LPIN1: variants seen among roughly 807,000 people sequenced by gnomAD.
LPIN1 encodes the protein lipin 1, also known as phosphatidate phosphatase LPIN1.
A neutral mutation model predicts 107.5 loss-of-function variants in LPIN1; 71 were observed. That is an observed-to-expected ratio of 0.66 (90% CI 0.55 to 0.80). LPIN1 has a LOEUF of 0.80. Ranked by LOEUF, LPIN1 falls within the 30% of genes least tolerant of loss-of-function variation. The pLI is 0.00. For synonymous variants in LPIN1, 445 were observed against 452.6 expected (o/e 0.98, Z 0.21); for missense variants, 1,043 against 1,160.6 (o/e 0.90, Z 1.47).
At chr2:11,732,592 C>A (rs1361345471) in intron 1 of LPIN1, among the ~76,000 whole-genome samples, 1 of 152,172 alleles carries the variant, frequency 6.6e-6, no homozygotes, top group Non-Finnish European at 1.5e-5. Flanking sequence ...AATACCTATT[C>A]CAAAGCAGTA....
At chr2:11,743,022 G>C (rs1033667142), upstream of LPIN1, among the ~76,000 whole-genome samples, 2 of 152,192 alleles carry the variant, frequency 1.3e-5, no homozygotes, top group African/African-American at 4.8e-5. This position sits in a 1 kb window ranked among gnomAD's most constrained non-coding sequence, Gnocchi z 4.7. Context: ...TTGGGGACAG[G>C]GCAGGTCAAA....
rs1002097250 is a variant in LPIN1, at chr2:11,765,477, G to T, written c.-9-56G>T. On this transcript the variant is annotated intron_variant, in intron 1 of 20. Coordinates refer to ENST00000674199, the MANE Select transcript of LPIN1 (RefSeq NM_001349206.2). This position sits in a 1 kb window ranked among gnomAD's most constrained non-coding sequence, Gnocchi z 4.4. ...AATGGTGAGGAGTTCATTTTGATTG[G>T]CTCTTCCTTGGATTAATTGTGTGTC... The T allele has an allele frequency of 2.6e-6, 4 of 1,517,340 alleles. No individual in the cohort carries two copies. Among genetic ancestry groups the T allele is most frequent in the Admixed American group, 1.9e-5 (1 of 53,278 alleles). 94.0% of individuals were successfully genotyped at this position (1,517,340 alleles called of 1,614,324 possible). A position where few individuals can be genotyped will look rare whatever the true frequency, so the allele number is the denominator to read the frequency against.
intron 12 of LPIN1, 25 bp downstream of exon 12, chr2:11,788,481 A>C (rs1303800046): frequency 1.9e-6 from 3 of 1,568,214 alleles, no homozygotes; most frequent in Non-Finnish European, 2.6e-6. Flanking sequence ...GAGAAAGAAA[A>C]GGGGATGCTA....
intron 1 of LPIN1, among the ~76,000 whole-genome samples, chr2:11,700,013 G>A (rs1213728409): frequency 6.6e-6 from 1 of 152,204 alleles, no homozygotes; most frequent in African/African-American, 2.4e-5. Flanking sequence ...ACCTGGCACA[G>A]CCCTTGGCAC....
chr2:11,812,819 T>A (rs898788523), intron 17 of LPIN1, among the ~76,000 whole-genome samples: 1 of 151,564 alleles, frequency 6.6e-6, no homozygotes, highest in Non-Finnish European at 1.5e-5. Context: ...CCACGTGGAG[T>A]CGGGATAGCA....
intron 1 of LPIN1, among the ~76,000 whole-genome samples, chr2:11,725,776 C>T (rs1246829793): frequency 6.6e-6 from 1 of 152,150 alleles, no homozygotes; most frequent in Non-Finnish European, 1.5e-5. Context: ...CTCTGAGGCT[C>T]CTGGCAGGGA....
intron 2 of LPIN1, among the ~76,000 whole-genome samples, chr2:11,715,326 T>C (rs1174064301): frequency 6.6e-6 from 1 of 152,126 alleles, no homozygotes; most frequent in African/African-American, 2.4e-5. Context: ...TCCGCTGGCC[T>C]CCATCCCCAC....
At chr2:11,749,592 G>C (rs1276384239) in intron 1 of LPIN1, among the ~76,000 whole-genome samples, 1 of 152,148 alleles carries the variant, frequency 6.6e-6, no homozygotes, top group Non-Finnish European at 1.5e-5. Flanking sequence ...GAAAGCTCTG[G>C]GTCTGGGCTG....
intron 7 of LPIN1, among the ~76,000 whole-genome samples, chr2:11,780,967 ATCTTT>A (rs1673481696): frequency 6.6e-6 from 1 of 152,246 alleles, no homozygotes; most frequent in Admixed American, 6.5e-5. Flanking sequence ...AATGAACACA[ATCTTT>A]TCTTTCAAGA....
chr2:11,778,175 A>G (rs1353320800), intron 6 of LPIN1, among the ~76,000 whole-genome samples: 1 of 152,156 alleles, frequency 6.6e-6, no homozygotes, highest in Non-Finnish European at 1.5e-5. Context: ...ACTGCTCCCT[A>G]AAGGGCAGAA....
chr2:11,732,589 A>G (rs183568302), intron 1 of LPIN1, among the ~76,000 whole-genome samples: 2 of 152,348 alleles, frequency 1.3e-5, no homozygotes, highest in African/African-American at 2.4e-5. Flanking sequence ...GGAAATACCT[A>G]TTCCAAAGCA....
At chr2:11,735,744 T>C (rs1205854603) in intron 1 of LPIN1, among the ~76,000 whole-genome samples, 1 of 152,234 alleles carries the variant, frequency 6.6e-6, no homozygotes, top group Admixed American at 6.5e-5. Context: ...AATGGCTATA[T>C]AGGCAAACAG....
intron 2 of LPIN1, among the ~76,000 whole-genome samples, chr2:11,717,531 T>A (rs1391449444): frequency 6.7e-6 from 1 of 149,780 alleles, no homozygotes; most frequent in South Asian, 2.1e-4. Flanking sequence ...AACTTTGACA[T>A]TAGCCTATCA....
chr2:11,721,794 C>T (rs4076903), upstream of LPIN1: 87,315 of 152,162 alleles, frequency 0.57, 28,402 homozygotes, highest in South Asian at 0.76. Context: ...GCCCTGGTCA[C>T]GTAGAAGGGT....
intron 1 of LPIN1, among the ~76,000 whole-genome samples, chr2:11,725,178 G>A (rs564793576): frequency 6.6e-6 from 1 of 152,288 alleles, no homozygotes; most frequent in South Asian, 2.1e-4. Flanking sequence ...GGAGAATGGC[G>A]TGAACCCAGG....
intron 2 of LPIN1, among the ~76,000 whole-genome samples, chr2:11,715,768 C>A (rs1663693951): frequency 1.3e-5 from 2 of 152,008 alleles, no homozygotes; most frequent in African/African-American, 4.8e-5. Flanking sequence ...AGCACAGTGT[C>A]TTTGAGATTT....
upstream of LPIN1, among the ~76,000 whole-genome samples, chr2:11,744,059 C>T (rs1215367545): frequency 6.6e-6 from 1 of 152,256 alleles, no homozygotes; most frequent in Non-Finnish European, 1.5e-5. Context: ...GTGTCATGTG[C>T]ACCTGCAGCC....
intron 1 of LPIN1, among the ~76,000 whole-genome samples, chr2:11,750,253 A>G (rs1183152060): frequency 6.6e-6 from 1 of 152,216 alleles, no homozygotes; most frequent in Non-Finnish European, 1.5e-5. Context: ...GGGTTTTAGG[A>G]TAATGGGCAC....
intron 20 of LPIN1, among the ~76,000 whole-genome samples, chr2:11,822,487 A>C (rs73191082): frequency 6.6e-5 from 10 of 151,534 alleles, no homozygotes; most frequent in African/African-American, 2.4e-4. Flanking sequence ...GAGACCTCAC[A>C]ATCATGGTCA....
Sources: allele counts gnomAD v4.1 joint callset (sites outside exome capture counted in the v4.1 genomes callset), GRCh38; gene constraint gnomAD v4.1.1; non-coding constraint Gnocchi (gnomAD v3.1); transcripts MANE v1.5; gene names NCBI Gene and HGNC (gene_info 2026-07-23, HGNC 2026-07-21).